The following CDC42BPA variants were observed in gnomAD, a reference collection of about 807,000 sequenced individuals.
CDC42BPA encodes the protein serine/threonine-protein kinase MRCK alpha.
In CDC42BPA, 80 loss-of-function variants were observed where a neutral mutation model predicts 223.5. The ratio of observed to expected loss-of-function variants is 0.36; its 90% CI spans 0.30 to 0.43. The LOEUF is 0.43. Among genes scored for constraint, CDC42BPA ranks in the 20% least tolerant of loss-of-function variants. The pLI is 1.00. For synonymous variants in CDC42BPA, 694 were observed against 718.6 expected, an observed-to-expected ratio of 0.97 and a Z score of 0.55; for missense variants, 1,743 against 2,099.9, an observed-to-expected ratio of 0.83 and a Z score of 3.32.
intron 1 of CDC42BPA, among the ~76,000 whole-genome samples, chr1:227,304,137 G>A (rs1332319732): frequency 6.6e-6 from 1 of 152,174 alleles, no homozygotes; most frequent in Non-Finnish European, 1.5e-5. Flanking sequence ...GGTGGCGCCT[G>A]TAATCACGCC....
chr1:227,043,014 A>C (rs1465975273), intron 23 of CDC42BPA, among the ~76,000 whole-genome samples: 1 of 152,208 alleles, frequency 6.6e-6, no homozygotes, highest in Non-Finnish European at 1.5e-5. Context: ...AAAGCTTAAA[A>C]ATTTACTGTA....
intron 2 of CDC42BPA, among the ~76,000 whole-genome samples, chr1:227,223,540 T>A: frequency 6.6e-6 from 1 of 152,134 alleles, no homozygotes; most frequent in East Asian, 1.9e-4. Flanking sequence ...GGTGAGAGGA[T>A]CTAACTAAGA....
intron 2 of CDC42BPA, among the ~76,000 whole-genome samples, chr1:227,215,468 C>T (rs1674665067): frequency 6.6e-6 from 1 of 152,064 alleles, no homozygotes; most frequent in African/African-American, 2.4e-5. Context: ...CAAGTATAAT[C>T]CTTGTACTCG....
Position 227,230,812 on chromosome 1 carries a change from C to CTTTTTTTTTTTTTTTTTTTTTT in CDC42BPA, c.271-17594_271-17593insAAAAAAAAAAAAAAAAAAAAAA, listed in dbSNP as rs1309498246. Among the ~76,000 whole-genome samples the CTTTTTTTTTTTTTTTTTTTTTT allele has an allele frequency of 6.3e-5, 7 of 111,758 alleles. 1 individual carries two copies. Among genetic ancestry groups the CTTTTTTTTTTTTTTTTTTTTTT allele is most frequent in the Non-Finnish European group, 1.1e-4 (6 of 53,698 alleles). 73.3% of individuals were successfully genotyped at this position (111,758 alleles called of 152,430 possible). ...GCTAACTGATTTCTATTTCTTTTTT[C>CTTTTTTTTTTTTTTTTTTTTTT]TTTCTTTCTTTTTTTTTTTTTTTTT... is the stretch of plus-strand genomic sequence containing the variant. On this transcript the variant is annotated intron_variant, in intron 2 of 36. Coordinates refer to ENST00000366766, the MANE Select transcript of CDC42BPA (RefSeq NM_001394014.1).
intron 16 of CDC42BPA, among the ~76,000 whole-genome samples, chr1:227,086,362 TG>T (rs1681893086): frequency 6.6e-6 from 1 of 152,226 alleles, no homozygotes; most frequent in Non-Finnish European, 1.5e-5. Context: ...CCAGGTTGTA[TG>T]GTAAGTATAT....
chr1:227,190,047 C>T (rs966344320), intron 5 of CDC42BPA, among the ~76,000 whole-genome samples: 1 of 152,136 alleles, frequency 6.6e-6, no homozygotes, highest in African/African-American at 2.4e-5. Context: ...AATCTCTTTA[C>T]AAATTAATCT....
intron 11 of CDC42BPA, among the ~76,000 whole-genome samples, chr1:227,123,858 T>A (rs1362979753): frequency 1.3e-5 from 2 of 150,124 alleles, no homozygotes; most frequent in African/African-American, 2.5e-5. Context: ...AGAGAGAGAG[T>A]GTGTGTGTGT....
chr1:227,003,185 T>C (rs1055671512), intron 35 of CDC42BPA, among the ~76,000 whole-genome samples: 4 of 152,212 alleles, frequency 2.6e-5, no homozygotes, highest in African/African-American at 7.2e-5. Flanking sequence ...ATTCAAAATA[T>C]GTAACATTCG....
At chr1:227,149,756 G>C (rs189184269) in intron 6 of CDC42BPA, among the ~76,000 whole-genome samples, 2 of 152,090 alleles carry the variant, frequency 1.3e-5, no homozygotes, top group African/African-American at 4.8e-5. Context: ...TTAAAAAACG[G>C]AAAATTTGGA....
At chr1:227,301,557 A>G (rs4653493) in intron 1 of CDC42BPA, among the ~76,000 whole-genome samples, 14,798 of 152,100 alleles carry the variant, frequency 0.097, 1,135 homozygotes, top group East Asian at 0.35. Context: ...ACAGGGTTTC[A>G]CTATGTTGGC....
intron 16 of CDC42BPA, among the ~76,000 whole-genome samples, chr1:227,085,281 G>C (rs1039727151): frequency 6.6e-6 from 1 of 152,118 alleles, no homozygotes; most frequent in African/African-American, 2.4e-5. Context: ...TCAAGGGTCT[G>C]CAAACTTTTC....
At chr1:227,223,104 T>C (rs1279259105) in intron 2 of CDC42BPA, among the ~76,000 whole-genome samples, 1 of 152,168 alleles carries the variant, frequency 6.6e-6, no homozygotes. Context: ...GGAAAGTGTA[T>C]AGTATGTGAA....
chr1:227,256,678 G>A (rs1228810158), intron 1 of CDC42BPA, among the ~76,000 whole-genome samples: 4 of 151,966 alleles, frequency 2.6e-5, no homozygotes, highest in African/African-American at 7.3e-5. Flanking sequence ...TGGAGAAACT[G>A]GAACCCTCAT....
chr1:227,189,395 T>C (rs1669350765), intron 5 of CDC42BPA, among the ~76,000 whole-genome samples: 1 of 152,212 alleles, frequency 6.6e-6, no homozygotes, highest in Admixed American at 6.5e-5. Context: ...AACTATCTTA[T>C]TTATAATAAT....
chr1:227,258,233 T>C (rs544911307), intron 1 of CDC42BPA, among the ~76,000 whole-genome samples: 3 of 148,316 alleles, frequency 2.0e-5, no homozygotes, highest in Admixed American at 6.7e-5. Context: ...CCCAAATAAT[T>C]GTAACACCAG....
intron 21 of CDC42BPA, 40 bp downstream of exon 21, chr1:227,069,737 A>C (rs541755783): frequency 1.4e-6 from 2 of 1,381,814 alleles, no homozygotes; most frequent in East Asian, 4.6e-5. Context: ...AGTGAATTTT[A>C]AATTGACCCC....
chr1:227,261,796 T>C (rs1039867319), intron 1 of CDC42BPA, among the ~76,000 whole-genome samples: 5 of 152,076 alleles, frequency 3.3e-5, no homozygotes, highest in Non-Finnish European at 7.4e-5. Context: ...CCAGGACCCT[T>C]TCCCCATGTC....
In CDC42BPA at chr1:227,199,861, T is replaced by C. The variant is rs186393345; in HGVS notation, c.355-209A>G. Among the ~76,000 whole-genome samples the C allele has an allele frequency of 4.6e-3, 702 of 152,272 alleles. 4 individuals carry two copies. The highest frequency in any genetic ancestry group is 0.016 in the African/African-American group (673 of 41,578). On this transcript the variant is annotated intron_variant, in intron 3 of 36. Transcript: ENST00000366766. ...TAAAAATATATTTTATATTAAATAATACTTTTATAGTTCAAAACAATGAGA... is the reference window on the plus strand; with the variant it reads ...TAAAAATATATTTTATATTAAATAACACTTTTATAGTTCAAAACAATGAGA...
At position 226,993,787 on chromosome 1, in the gene CDC42BPA, T is replaced by C. The variant is rs537017857; in HGVS notation, c.*481A>G. ...ATTGTTTTAATTCATAAGGATTTCC[T>C]GGCAACAATCAGGTTGATACTCACT... is the stretch of plus-strand genomic sequence containing the variant. On this transcript the variant is annotated 3_prime_UTR_variant, in exon 37 of 37. Coordinates refer to ENST00000366766, the MANE Select transcript of CDC42BPA (RefSeq NM_001394014.1). The C allele has an allele frequency of 1.5e-4, 23 of 155,010 alleles. No individual in the cohort carries two copies. The highest frequency in any genetic ancestry group is 2.0e-4 in the Non-Finnish European group (14 of 69,450). 9.6% of individuals were successfully genotyped at this position (155,010 alleles called of 1,614,324 possible).
Sources: allele counts gnomAD v4.1 joint callset (sites outside exome capture counted in the v4.1 genomes callset), GRCh38; gene constraint gnomAD v4.1.1; transcripts MANE v1.5; gene names NCBI Gene and HGNC (gene_info 2026-07-23, HGNC 2026-07-21).